The following P4HA3 variants were observed in gnomAD, a reference collection of about 807,000 sequenced individuals.
The protein encoded by P4HA3 is prolyl 4-hydroxylase subunit alpha-3.
In P4HA3, 60 loss-of-function variants were observed where a neutral mutation model predicts 66.7. The ratio of observed to expected loss-of-function variants is 0.90; its 90% CI spans 0.73 to 1.12. P4HA3 has a LOEUF of 1.12. P4HA3 is among the 50% of genes most tolerant of loss of function. P4HA3 has a pLI of 0.00. For synonymous variants in P4HA3, 263 were observed against 274.6 expected, an observed-to-expected ratio of 0.96 and a Z score of 0.42; for missense variants, 683 against 685.8, an observed-to-expected ratio of 1.00 and a Z score of 0.05.
Position 74,304,329 on chromosome 11 carries a change from C to A in P4HA3, c.284G>T (p.Arg95Leu), listed in dbSNP as rs765896550. 2 of 1,613,886 alleles carry A rather than the reference C, an allele frequency of 1.2e-6. No homozygotes were observed. The highest frequency in any genetic ancestry group is 1.7e-6 in the Non-Finnish European group (2 of 1,180,008). ...NPLLAFTLIKRLQSDWRNVVH... is the reference protein window; with the variant it reads ...NPLLAFTLIKLLQSDWRNVVH... The stretch of plus-strand genomic sequence containing the variant: ...CACATTCCTCCAGTCAGACTGCAGG[C>A]GTTTGATGAGAGTAAATGCAAGCAG... Residue 95 changes from arginine to leucine, a missense_variant, in exon 2 of 13, where the codon CGC (arginine) becomes CTC (leucine). By Grantham distance (102) the Arg-to-Leu change is moderately radical (BLOSUM62 -2). Coordinates refer to ENST00000331597, the MANE Select transcript of P4HA3 (RefSeq NM_182904.5).
chr11:74,277,850 G>C (rs1474141804), intron 8 of P4HA3, among the ~76,000 whole-genome samples: 2 of 152,178 alleles, frequency 1.3e-5, no homozygotes, highest in African/African-American at 2.4e-5. Flanking sequence ...GGGTCTCCTG[G>C]GGAGACGATA....
chr11:74,253,616 A>G, intron 15 of P4HA3: 3 of 1,279,048 alleles, frequency 2.3e-6, no homozygotes, highest in Non-Finnish European at 2.3e-6. Flanking sequence ...CAGCCATGTG[A>G]CACTGGCTCC....
chr11:74,302,605 T>C lies in P4HA3; in HGVS notation c.344-13A>G. 1.2e-6 allele frequency: 2 copies of C among 1,604,190 alleles called. No individual in the cohort carries two copies. The highest frequency in any genetic ancestry group is 1.3e-5 in the African/African-American group (1 of 74,626). ...CCATCCTTCAGAGCTGTAAAAGTAG[T>C]AAAAACATCAACCCAGCATTCAAGA... On this transcript the variant is annotated splice_polypyrimidine_tract_variant and intron_variant, in intron 2 of 12. Coordinates refer to ENST00000331597, the MANE Select transcript of P4HA3 (RefSeq NM_182904.5).
chr11:74,280,109 A>G (rs978456560), intron 7 of P4HA3, among the ~76,000 whole-genome samples: 1 of 152,202 alleles, frequency 6.6e-6, no homozygotes, highest in African/African-American at 2.4e-5. Flanking sequence ...GTTTAACTAA[A>G]TGCCTCTCTT....
At chr11:74,271,879 C>A (rs1054444803) in intron 10 of P4HA3, among the ~76,000 whole-genome samples, 1 of 152,154 alleles carries the variant, frequency 6.6e-6, no homozygotes, top group African/African-American at 2.4e-5. Context: ...TTCCCTGGTC[C>A]CATGATACTG....
intron 4 of P4HA3, among the ~76,000 whole-genome samples, chr11:74,297,511 C>T (rs946489610): frequency 6.6e-6 from 1 of 152,184 alleles, no homozygotes; most frequent in Non-Finnish European, 1.5e-5. Context: ...GACTGTACAA[C>T]TCGGGTGGGA....
rs1167415808 is a variant in P4HA3 at position 74,255,811 on chromosome 11, ATGTC to A, written c.*1318+4108_*1318+4111del. 1.8e-5 allele frequency: 7 copies of A among 388,654 alleles called. No individual in the cohort carries two copies. The East Asian group carries it at 4.4e-4, about 25-fold the overall frequency. The allele number at this position is 388,654 out of a possible 1,614,324, so 24.1% of individuals were successfully genotyped here. A position where few individuals can be genotyped will look rare whatever the true frequency, so the allele number is the denominator to read the frequency against. ...GATCTGCATTTTAACAAGTGCATCA[ATGTC>A]TGAAAATTTCTTGTCTAGTTGATGA... On this transcript the variant is annotated intron_variant and NMD_transcript_variant, in intron 15 of 15. Coordinates refer to the P4HA3 transcript ENST00000524388.
chr11:74,254,843 C>T (rs1859793366), intron 15 of P4HA3: 1 of 152,450 alleles, frequency 6.6e-6, no homozygotes, highest in Non-Finnish European at 1.5e-5. Flanking sequence ...CTGCCTGTCC[C>T]CTGATCCAGA....
chr11:74,286,216 G>A lies in P4HA3; in HGVS notation c.933+12C>T. On this transcript the variant is annotated intron_variant, in intron 6 of 12. Coordinates refer to ENST00000331597, the MANE Select transcript of P4HA3 (RefSeq NM_182904.5). ...GGCCTCTCCCCCTTTCTCTTTCCCT[G>A]AGGAATCCTACCTGGGAACCCAGGG... 1 of 1,610,086 alleles carries A rather than the reference G, an allele frequency of 6.2e-7. No homozygotes were observed. Among genetic ancestry groups the A allele is most frequent in the Non-Finnish European group, 8.5e-7 (1 of 1,178,890 alleles).
chr11:74,280,299 A>G (rs1860548193), intron 7 of P4HA3, among the ~76,000 whole-genome samples: 1 of 151,982 alleles, frequency 6.6e-6, no homozygotes, highest in Non-Finnish European at 1.5e-5. Context: ...GACCATAGGC[A>G]CATGCCACCA....
At chr11:74,289,816 G>C (rs1860947739) in intron 4 of P4HA3, among the ~76,000 whole-genome samples, 1 of 152,026 alleles carries the variant, frequency 6.6e-6, no homozygotes, top group Admixed American at 6.6e-5. Context: ...TGGTGTATGT[G>C]CCATATTTTA....
intron 4 of P4HA3, among the ~76,000 whole-genome samples, chr11:74,295,853 T>C (rs547689352): frequency 6.6e-6 from 1 of 152,362 alleles, no homozygotes; most frequent in Admixed American, 6.5e-5. Context: ...GAGTAATCTA[T>C]GAATATCTTG....
At chr11:74,299,037 G>A (rs530309314) in intron 3 of P4HA3, among the ~76,000 whole-genome samples, 6 of 152,150 alleles carry the variant, frequency 3.9e-5, no homozygotes, top group Non-Finnish European at 8.8e-5. Context: ...GTGCCTAGTG[G>A]CCCTGTCCTG....
chr11:74,266,934 C>T lies in P4HA3; in HGVS notation c.*314G>A. ...AGTGCCAAAAGACCCACTGATCGAA[C>T]CTGAGACTGTTGAGATGTCCTGTTC... is the stretch of plus-strand genomic sequence containing the variant. On this transcript the variant is annotated 3_prime_UTR_variant, in exon 13 of 13. Coordinates refer to ENST00000331597, the MANE Select transcript of P4HA3 (RefSeq NM_182904.5). The T allele has an allele frequency of 7.6e-7, 1 of 1,318,312 alleles. No individual in the cohort carries two copies. The highest frequency in any genetic ancestry group is 1.0e-6 in the Non-Finnish European group (1 of 989,056). The allele number at this position is 1,318,312 out of a possible 1,614,324, so 81.7% of individuals were successfully genotyped here.
intron 1 of P4HA3, among the ~76,000 whole-genome samples, chr11:74,305,898 C>G (rs1046506827): frequency 1.3e-5 from 2 of 152,068 alleles, no homozygotes; most frequent in African/African-American, 4.8e-5. Flanking sequence ...AAGAAAGACA[C>G]AAATAATTAC....
At chr11:74,294,045 C>T (rs546229518) in intron 4 of P4HA3, among the ~76,000 whole-genome samples, 2,845 of 152,292 alleles carry the variant, frequency 0.019, 77 homozygotes, top group African/African-American at 0.055. Context: ...AGAGTGTTTT[C>T]CAACTTGGTT....
rs1860998368 is a variant in P4HA3, at chr11:74,290,916, T to A, written c.718-1786A>T. ...TTTGTTCTTTTGGCTTAGGATTGAC[T>A]TGGCGATGCGGGCTCTTTTTTGATT... On this transcript the variant is annotated intron_variant, in intron 4 of 12. Transcript: ENST00000331597. Among the ~76,000 whole-genome samples the A allele has an allele frequency of 2.6e-5, 4 of 152,346 alleles. No individual in the cohort carries two copies. The East Asian group carries it at 5.8e-4, about 22-fold the overall frequency.
intron 7 of P4HA3, among the ~76,000 whole-genome samples, chr11:74,279,839 T>C (rs572964345): frequency 5.3e-4 from 80 of 152,306 alleles, no homozygotes; most frequent in African/African-American, 1.8e-3. Context: ...GCCTGACCTA[T>C]GGTAAGCACT....
At chr11:74,292,051 T>C (rs1214553723) in intron 4 of P4HA3, among the ~76,000 whole-genome samples, 1 of 152,210 alleles carries the variant, frequency 6.6e-6, no homozygotes, top group African/African-American at 2.4e-5. Flanking sequence ...TCTGGTAGAA[T>C]TCGGCTGTGA....
Sources: gnomAD v4.1 joint callset for allele counts (sites outside exome capture counted in the v4.1 genomes callset) on GRCh38, gnomAD v4.1.1 for gene constraint, MANE v1.5 for transcripts, NCBI Gene and HGNC (gene_info 2026-07-23, HGNC 2026-07-21) for gene names.